The following LIPG variants were observed in gnomAD, a reference collection of about 807,000 sequenced individuals.
LIPG encodes lipase G, endothelial type.
A neutral mutation model predicts 51.8 loss-of-function variants in LIPG; 34 were observed. The ratio of observed to expected loss-of-function variants is 0.66; its 90% CI spans 0.50 to 0.87. LIPG has a LOEUF of 0.87. LIPG is among the 40% of genes least tolerant of loss of function. The pLI, the probability that LIPG is intolerant of heterozygous loss-of-function variation, is 0.00. For synonymous variants in LIPG, 246 were observed against 246.1 expected (o/e 1.00, Z 0.00); for missense variants, 580 against 652.7 (o/e 0.89, Z 1.21).
At chr18:49,567,344 A>G in intron 2 of LIPG, 98 bp from the exon 3 acceptor site, 1 of 1,325,200 alleles carries the variant, frequency 7.5e-7, no homozygotes, top group African/African-American at 1.5e-5. Context: ...GTCAAAAAAA[A>G]AAAATTAATT....
intron 4 of LIPG, among the ~76,000 whole-genome samples, chr18:49,570,083 T>G (rs1483312842): frequency 6.6e-6 from 1 of 152,192 alleles, no homozygotes; most frequent in Non-Finnish European, 1.5e-5. Context: ...GAATTCTGCC[T>G]CTGATTTCTA....
At chr18:49,563,076 C>T (rs959534393) in intron 1 of LIPG, among the ~76,000 whole-genome samples, 5 of 152,162 alleles carry the variant, frequency 3.3e-5, no homozygotes, top group South Asian at 2.1e-4. Context: ...GGCAGCTTGC[C>T]CTGGGGGAGC....
intron 5 of LIPG, among the ~76,000 whole-genome samples, chr18:49,580,689 C>T (rs1430595755): frequency 6.6e-6 from 1 of 152,050 alleles, no homozygotes; most frequent in African/African-American, 2.4e-5. Flanking sequence ...ACCTGCAAGC[C>T]ATATTTTGCT....
chr18:49,582,500 C>G lies in LIPG; in HGVS notation c.1157+18C>G. ...CTGGAAATGTAAGTCATCCGTTTCC[C>G]TTGCTGGGTTCGGGACAGAGAACAG... On this transcript the variant is annotated intron_variant, in intron 7 of 9. Transcript: ENST00000261292. The G allele has an allele frequency of 6.2e-7, 1 of 1,614,160 alleles. No homozygotes were observed. The highest frequency in any genetic ancestry group is 8.5e-7 in the Non-Finnish European group (1 of 1,180,006).
intron 5 of LIPG, among the ~76,000 whole-genome samples, chr18:49,580,379 G>A (rs892664855): frequency 6.6e-6 from 1 of 152,200 alleles, no homozygotes; most frequent in South Asian, 2.1e-4. Flanking sequence ...TTTAGGTTTT[G>A]TGGGCCGTAT....
chr18:49,578,890 CAAT>C (rs2084767891), intron 5 of LIPG, among the ~76,000 whole-genome samples: 4 of 76,326 alleles, frequency 5.2e-5, no homozygotes, highest in Admixed American at 1.1e-4. Flanking sequence ...CGCGTGCCTG[CAAT>C]CGCAGGCACT....
chr18:49,578,548 C>T (rs1220156239), intron 5 of LIPG, among the ~76,000 whole-genome samples: 1 of 146,430 alleles, frequency 6.8e-6, no homozygotes, highest in African/African-American at 2.6e-5. Context: ...ACTGGGCAGC[C>T]AGGCAGAGGG....
rs778836226 is a variant in LIPG, at chr18:49,582,328, G to A, written c.1037-34G>A. On this transcript the variant is annotated intron_variant, in intron 6 of 9. Coordinates refer to ENST00000261292, the MANE Select transcript of LIPG (RefSeq NM_006033.4). ...GGGGTCTCCTGTGATGACAAGCAAG[G>A]GTTACAAGCATCTTTGTTCTGCTGT... The A allele has an allele frequency of 3.1e-6, 5 of 1,613,726 alleles. No homozygotes were observed. In the East Asian group the frequency reaches 1.1e-4, roughly 36 times the overall value.
intron 4 of LIPG, among the ~76,000 whole-genome samples, chr18:49,572,256 G>T (rs1252170080): frequency 6.6e-6 from 1 of 152,172 alleles, no homozygotes; most frequent in Non-Finnish European, 1.5e-5. Flanking sequence ...GGATGCGGAG[G>T]TTGCAGTGGG....
chr18:49,565,546 CTTTGT>C, intron 2 of LIPG, 48 bp downstream of exon 2: 1 of 1,602,720 alleles, frequency 6.2e-7, no homozygotes. Context: ...ATTTGATTCC[CTTTGT>C]TTTGGTCAAT....
intron 9 of LIPG, chr18:49,590,173 T>TTG (rs57137391): frequency 0.11 from 41,901 of 369,634 alleles, 1,904 homozygotes; most frequent in African/African-American, 0.26. Context: ...GTGTCCATGA[T>TTG]TGTGTGTGTG....
At chr18:49,588,437 C>T (rs149947704) in intron 9 of LIPG, among the ~76,000 whole-genome samples, 4,925 of 152,104 alleles carry the variant, frequency 0.032, 266 homozygotes, top group African/African-American at 0.11. Flanking sequence ...TGCCTGCTAC[C>T]ACGCCTGGCT....
intron 7 of LIPG, 107 bp from the exon 8 acceptor site, chr18:49,583,449 T>A: frequency 1.1e-6 from 1 of 880,496 alleles, no homozygotes; most frequent in Non-Finnish European, 1.9e-6. Context: ...ACTCACACTG[T>A]CTCTCTCCTG....
rs2084993161 is a variant in LIPG at position 49,598,379 on chromosome 18, G to T, written c.*7857G>T. The T allele has an allele frequency of 6.6e-6, 1 of 152,432 alleles. No individual in the cohort carries two copies. The highest frequency in any genetic ancestry group is 2.1e-4 in the South Asian group (1 of 4,830). 9.4% of individuals were successfully genotyped at this position (152,432 alleles called of 1,614,324 possible). On this transcript the variant is annotated 3_prime_UTR_variant, in exon 10 of 10. Coordinates refer to ENST00000261292, the MANE Select transcript of LIPG (RefSeq NM_006033.4). ...CTGGCTACATTTTGAATTTTTTGTA[G>T]AGATGGGGTTTTGCCATGTTGCTCA...
chr18:49,574,021 A>G (rs1484590280), intron 4 of LIPG, among the ~76,000 whole-genome samples: 4 of 152,190 alleles, frequency 2.6e-5, no homozygotes, highest in Non-Finnish European at 5.9e-5. Flanking sequence ...GGGGGCAATA[A>G]AAAGGTCTCC....
rs35424068 is a variant in LIPG, at chr18:49,591,078, A to G, written c.*556A>G. ...GCCATTCCGTCCTGCTCCCCAGCTC[A>G]CTCTCTGAAGCACACATCATTGGCT... On this transcript the variant is annotated 3_prime_UTR_variant, in exon 10 of 10. Transcript: ENST00000261292. The G allele has an allele frequency of 0.012, 2,024 of 164,986 alleles. 39 individuals are homozygous for G. The highest frequency in any genetic ancestry group is 0.043 in the African/African-American group (1,787 of 41,666). 10.2% of individuals were successfully genotyped at this position (164,986 alleles called of 1,614,324 possible).
intron 6 of LIPG, 190 bp downstream of exon 6, chr18:49,581,847 C>G (rs995705156): frequency 2.9e-6 from 2 of 700,042 alleles, no homozygotes; most frequent in Admixed American, 2.4e-5. Context: ...AGTGTGGACC[C>G]CTTTTGTGAT....
chr18:49,581,131 G>C (rs1299667035), intron 5 of LIPG, among the ~76,000 whole-genome samples: 1 of 152,106 alleles, frequency 6.6e-6, no homozygotes, highest in African/African-American at 2.4e-5. Context: ...TGGTGGTCAT[G>C]TGCCTGTCGT....
chr18:49,561,741 G>A, upstream of LIPG: 1 of 1,244,712 alleles, frequency 8.0e-7, no homozygotes. Context: ...TCAGGGAAAT[G>A]TCCGCCTCCG....
Sources: allele counts gnomAD v4.1 joint callset (sites outside exome capture counted in the v4.1 genomes callset), GRCh38; gene constraint gnomAD v4.1.1; transcripts MANE v1.5; gene names NCBI Gene and HGNC (gene_info 2026-07-23, HGNC 2026-07-21).